CHSY3: variants seen among roughly 807,000 people sequenced by gnomAD.
The protein encoded by CHSY3 is chondroitin sulfate synthase 3.
CHSY3 carries 35 observed loss-of-function variants against 67.2 expected under a neutral mutation model. The observed-to-expected ratio is 0.52, with a 90% CI of 0.40 to 0.69. The LOEUF is 0.69. Among genes scored for constraint, CHSY3 ranks in the 30% least tolerant of loss-of-function variants. The pLI is 0.00. For synonymous variants in CHSY3, 474 were observed against 434.7 expected (o/e 1.09, Z -1.12); for missense variants, 1,069 against 1,138.5 (o/e 0.94, Z 0.88).
At chr5:130,133,469 C>T (rs1197194121) in intron 2 of CHSY3, among the ~76,000 whole-genome samples, 1 of 151,928 alleles carries the variant, frequency 6.6e-6, no homozygotes, top group East Asian at 1.9e-4. Flanking sequence ...GGTTAAGCAT[C>T]AAGATAAGTT....
At chr5:130,184,138 A>G in intron 2 of CHSY3, 91 bp from the exon 3 acceptor site, 1 of 1,225,570 alleles carries the variant, frequency 8.2e-7, no homozygotes, top group Non-Finnish European at 1.1e-6. Context: ...ATGTATTAAC[A>G]TTTTCATTTA....
chr5:130,131,090 A>G (rs1768469037), intron 2 of CHSY3, among the ~76,000 whole-genome samples: 2 of 152,184 alleles, frequency 1.3e-5, no homozygotes, highest in Admixed American at 1.3e-4. Flanking sequence ...CTACTCACAT[A>G]TTCCCAGAAA....
intron 2 of CHSY3, among the ~76,000 whole-genome samples, chr5:129,952,889 T>C (rs1382310073): frequency 6.6e-6 from 1 of 152,242 alleles, no homozygotes; most frequent in Non-Finnish European, 1.5e-5. Context: ...AATATTATTG[T>C]CCCCATTTTT....
At chr5:129,999,048 T>A (rs927375447) in intron 2 of CHSY3, among the ~76,000 whole-genome samples, 7 of 151,774 alleles carry the variant, frequency 4.6e-5, no homozygotes, top group Non-Finnish European at 7.4e-5. Context: ...TACAAGTTTT[T>A]AAAAATGTTT....
At chr5:130,083,327 T>C (rs1430746715) in intron 2 of CHSY3, among the ~76,000 whole-genome samples, 2 of 152,084 alleles carry the variant, frequency 1.3e-5, no homozygotes, top group Admixed American at 6.6e-5. Flanking sequence ...ACAAAGCAAG[T>C]ACTGAGCTGG....
chr5:130,160,091 G>A (rs1489385471), intron 2 of CHSY3, among the ~76,000 whole-genome samples: 3 of 152,146 alleles, frequency 2.0e-5, no homozygotes, highest in Non-Finnish European at 2.9e-5. Flanking sequence ...CTGAGAAGAC[G>A]ATTTCTGTCA....
At chr5:130,064,090 C>T (rs1765802619) in intron 2 of CHSY3, among the ~76,000 whole-genome samples, 2 of 152,060 alleles carry the variant, frequency 1.3e-5, no homozygotes, top group Non-Finnish European at 2.9e-5. Context: ...AAAGTAGTCA[C>T]AGGAGGCTTT....
Position 129,905,489 on chromosome 5 carries a change from C to T in CHSY3, c.660C>T (p.Pro220=). The change falls in exon 1 of 3, where the codon CCC becomes CCT. Residue 220 remains proline (P), a synonymous_variant. Coordinates refer to ENST00000305031, the MANE Select transcript of CHSY3 (RefSeq NM_175856.5). The part of the protein sequence containing the change: ...QPPNAGQPPP[P]LPVIALPGVD... ...CCAACGCCGGCCAGCCCCCGCCACC[C>T]CTGCCTGTCATCGCGCTACCGGGTG... The T allele has an allele frequency of 6.2e-7, 1 of 1,613,154 alleles. No individual in the cohort carries two copies. Among genetic ancestry groups the T allele is most frequent in the East Asian group, 2.2e-5 (1 of 44,864 alleles).
chr5:130,123,996 C>T (rs1433295091), intron 2 of CHSY3, among the ~76,000 whole-genome samples: 7 of 138,480 alleles, frequency 5.1e-5, no homozygotes, highest in African/African-American at 8.3e-5. Context: ...GCCGAGATCT[C>T]GCCACTGCAC....
chr5:130,027,205 A>G (rs1339508225), intron 2 of CHSY3, among the ~76,000 whole-genome samples: 1 of 152,120 alleles, frequency 6.6e-6, no homozygotes, highest in East Asian at 1.9e-4. Flanking sequence ...AAATTGTATA[A>G]TGTGAGTCTA....
intron 2 of CHSY3, among the ~76,000 whole-genome samples, chr5:129,952,725 G>A (rs1293879585): frequency 6.6e-6 from 1 of 152,176 alleles, no homozygotes; most frequent in African/African-American, 2.4e-5. Context: ...ACTTTGGCAT[G>A]CTGTGGTAGT....
At chr5:130,020,344 T>TG (rs1194827848) in intron 2 of CHSY3, among the ~76,000 whole-genome samples, 1 of 149,546 alleles carries the variant, frequency 6.7e-6, no homozygotes, top group Non-Finnish European at 1.5e-5. Flanking sequence ...TGCTGGAACC[T>TG]GGGGGGCAGA....
At chr5:130,163,042 T>G (rs1210623470) in intron 2 of CHSY3, among the ~76,000 whole-genome samples, 2 of 152,318 alleles carry the variant, frequency 1.3e-5, no homozygotes, top group South Asian at 2.1e-4. Context: ...TCACTCATCA[T>G]GCACTTCGTG....
Position 130,184,341 on chromosome 5 carries a change from C to A in CHSY3, c.1199C>A (p.Ala400Glu). Residue 400 changes from alanine to glutamate, a missense_variant, in exon 3 of 3, where the codon GCA becomes GAA. Physicochemically the swap from Ala to Glu is moderately radical, Grantham distance 107. Coordinates refer to ENST00000305031, the MANE Select transcript of CHSY3 (RefSeq NM_175856.5). Reference protein sequence around the residue: ...AITLHPNKRPAYQYRLHNYML... With the variant: ...AITLHPNKRPEYQYRLHNYML... ...ACACTTCATCCCAACAAAAGGCCTG[C>A]ATACCAATACAGGCTGCATAATTAC... is the stretch of plus-strand genomic sequence containing the variant. The A allele has an allele frequency of 6.2e-7, 1 of 1,613,890 alleles. No individual in the cohort carries two copies. The highest frequency in any genetic ancestry group is 8.5e-7 in the Non-Finnish European group (1 of 1,179,768).
chr5:130,105,618 T>C (rs1414559583), intron 2 of CHSY3, among the ~76,000 whole-genome samples: 1 of 151,776 alleles, frequency 6.6e-6, no homozygotes, highest in African/African-American at 2.4e-5. Flanking sequence ...ATGCAGTGGC[T>C]ACTAACTAGA....
intron 2 of CHSY3, among the ~76,000 whole-genome samples, chr5:130,044,170 A>G (rs1248238109): frequency 1.3e-5 from 2 of 152,156 alleles, no homozygotes. Flanking sequence ...CAATTCAAGA[A>G]TGATTATCTA....
At chr5:130,128,171 A>G (rs1768355150) in intron 2 of CHSY3, among the ~76,000 whole-genome samples, 1 of 152,056 alleles carries the variant, frequency 6.6e-6, no homozygotes, top group Non-Finnish European at 1.5e-5. Context: ...AATTCTCTCA[A>G]GAGATGAACA....
At chr5:130,081,691 G>A (rs1007585079) in intron 2 of CHSY3, among the ~76,000 whole-genome samples, 1 of 151,962 alleles carries the variant, frequency 6.6e-6, no homozygotes, top group African/African-American at 2.4e-5. Flanking sequence ...TTTATAAAAG[G>A]CAGTTCCCCT....
intron 2 of CHSY3, among the ~76,000 whole-genome samples, chr5:130,000,749 TTTTTTTTTTG>T: frequency 7.0e-6 from 1 of 142,778 alleles, no homozygotes; most frequent in African/African-American, 2.6e-5. Flanking sequence ...TTTTTTTTTT[TTTTTTTTTTG>T]TAGAGATGAA....
Sources: allele counts gnomAD v4.1 joint callset (sites outside exome capture counted in the v4.1 genomes callset), GRCh38; gene constraint gnomAD v4.1.1; transcripts MANE v1.5; gene names NCBI Gene and HGNC (gene_info 2026-07-23, HGNC 2026-07-21).